The following KIRREL3 variants were observed in gnomAD, a reference collection of about 807,000 sequenced individuals.
KIRREL3 encodes kin of IRRE-like protein 3.
Under a neutral mutation model 89.7 loss-of-function variants are expected in KIRREL3, and 36 were observed. The observed-to-expected ratio is 0.40, with a 90% CI of 0.31 to 0.53. The LOEUF is 0.53. Ranked by LOEUF, KIRREL3 falls within the 20% of genes least tolerant of loss-of-function variation. KIRREL3 has a pLI of 0.49. For missense variants in KIRREL3, 864 were observed against 1,056.6 expected (o/e 0.82, Z 2.53); for synonymous variants, 445 against 441.4 (o/e 1.01, Z -0.10).
intron 1 of KIRREL3, among the ~76,000 whole-genome samples, chr11:126,964,645 T>G (rs1949208303): frequency 6.6e-6 from 1 of 152,180 alleles, no homozygotes; most frequent in Non-Finnish European, 1.5e-5. Flanking sequence ...TACAAACTCC[T>G]GCAAATAGGA....
intron 1 of KIRREL3, among the ~76,000 whole-genome samples, chr11:126,864,410 C>G (rs1430194284): frequency 6.6e-6 from 1 of 152,196 alleles, no homozygotes; most frequent in African/African-American, 2.4e-5. Flanking sequence ...GAGGGCTGCA[C>G]AGCTTGCAGT....
chr11:126,717,120 G>A (rs1833889578), intron 1 of KIRREL3, among the ~76,000 whole-genome samples: 1 of 152,166 alleles, frequency 6.6e-6, no homozygotes, highest in South Asian at 2.1e-4. Flanking sequence ...CACAAAGGGA[G>A]ATTTCTTTGC....
At chr11:126,695,589 G>A (rs1367411822) in intron 1 of KIRREL3, among the ~76,000 whole-genome samples, 1 of 152,036 alleles carries the variant, frequency 6.6e-6, no homozygotes, top group African/African-American at 2.4e-5. Context: ...TCCTTGTCCT[G>A]AAACCTTTGT....
At position 126,771,977 on chromosome 11, in the gene KIRREL3, G is replaced by T. The variant is rs1196517723; in HGVS notation, c.56-209065C>A. ...CGAATGCAGTCCAGCTTTCCTAAAT[G>T]CCTCCTCTCCTCCTGCTTTCTGTCT... On this transcript the variant is annotated intron_variant, in intron 1 of 16. Transcript: ENST00000525144. The surrounding 1 kb of genome is among the most constrained non-coding windows in gnomAD (Gnocchi z 4.4). Among the ~76,000 whole-genome samples the T allele has an allele frequency of 6.6e-6, 1 of 152,162 alleles. No homozygotes were observed. The highest frequency in any genetic ancestry group is 6.5e-5 in the Admixed American group (1 of 15,282).
chr11:126,522,362 T>A lies in KIRREL3; in HGVS notation c.284-898A>T, dbSNP rs1958625106. Among the ~76,000 whole-genome samples the A allele has an allele frequency of 6.6e-6, 1 of 152,166 alleles. No homozygotes were observed. Among genetic ancestry groups the A allele is most frequent in the Non-Finnish European group, 1.5e-5 (1 of 68,034 alleles). ...ACTTTGCAAAAATTTTGTTTCAGGATGGACAGGAAGTAGAAATCTAGGCCC... is the reference window on the plus strand; with the variant it reads ...ACTTTGCAAAAATTTTGTTTCAGGAAGGACAGGAAGTAGAAATCTAGGCCC... On this transcript the variant is annotated intron_variant, in intron 3 of 16. Coordinates refer to ENST00000525144, the MANE Select transcript of KIRREL3 (RefSeq NM_032531.4). This position sits in a 1 kb window ranked among gnomAD's most constrained non-coding sequence, Gnocchi z 6.0.
In KIRREL3 at chr11:126,670,633, T is replaced by A. The variant is rs546906112; in HGVS notation, c.56-107721A>T. On this transcript the variant is annotated intron_variant, in intron 1 of 16. Coordinates refer to ENST00000525144, the MANE Select transcript of KIRREL3 (RefSeq NM_032531.4). ...ACAAGGTGAATAAACAGAAGTTAAT[T>A]TTTTCAATAGAAAGTTGGAATCGTG... Among the ~76,000 whole-genome samples the A allele has an allele frequency of 5.8e-4, 89 of 152,348 alleles. No homozygotes were observed. The South Asian group carries it at 0.018, about 31-fold the overall frequency.
chr11:126,716,145 T>C (rs139373585), intron 1 of KIRREL3, among the ~76,000 whole-genome samples: 2 of 150,762 alleles, frequency 1.3e-5, no homozygotes, highest in East Asian at 2.0e-4. Flanking sequence ...GAGGAACAGA[T>C]AGGAGGGAGC....
rs993035287 is a variant in KIRREL3 at position 126,748,946 on chromosome 11, C to G, written c.56-186034G>C. Reference sequence around the variant, plus strand: ...CGTAGGTGGGAGAGCCGCTTAGGTCCTCTTATGTGACCTCCATCCAGCCTT... The same window carrying G: ...CGTAGGTGGGAGAGCCGCTTAGGTCGTCTTATGTGACCTCCATCCAGCCTT... On this transcript the variant is annotated intron_variant, in intron 1 of 16. Transcript: ENST00000525144. The surrounding 1 kb of genome is among the most constrained non-coding windows in gnomAD (Gnocchi z 4.6). 2.0e-5 allele frequency among the ~76,000 whole-genome samples: 3 copies of G among 152,140 alleles called. No individual in the cohort carries two copies. The highest frequency in any genetic ancestry group is 4.8e-5 in the African/African-American group (2 of 41,432).
intron 4 of KIRREL3, among the ~76,000 whole-genome samples, chr11:126,507,702 T>G (rs1958071758): frequency 6.6e-6 from 1 of 152,194 alleles, no homozygotes; most frequent in African/African-American, 2.4e-5. Flanking sequence ...AAGGGCTCCT[T>G]CATCTCTAAA....
intron 1 of KIRREL3, among the ~76,000 whole-genome samples, chr11:126,663,770 A>G (rs1435511511): frequency 6.6e-6 from 1 of 152,212 alleles, no homozygotes; most frequent in East Asian, 1.9e-4. Flanking sequence ...ATTTCATCTG[A>G]GGGACAAAAG....
At chr11:126,464,846 C>G (rs1044101805) in intron 5 of KIRREL3, among the ~76,000 whole-genome samples, 1 of 152,140 alleles carries the variant, frequency 6.6e-6, no homozygotes. Flanking sequence ...TGTCATGCAC[C>G]GAATTGTGGT....
At position 126,566,099 on chromosome 11, in the gene KIRREL3, A is replaced by G. The variant is rs1052761915; in HGVS notation, c.56-3187T>C. Among the ~76,000 whole-genome samples the G allele has an allele frequency of 6.6e-6, 1 of 151,840 alleles. No homozygotes were observed. Among genetic ancestry groups the G allele is most frequent in the African/African-American group, 2.4e-5 (1 of 41,234 alleles). ...TGGGGGTGCTGTCTTTGGCTTTATC[A>G]GTAGCAGAAACACCCAGATACTCTA... On this transcript the variant is annotated intron_variant, in intron 1 of 16. Coordinates refer to ENST00000525144, the MANE Select transcript of KIRREL3 (RefSeq NM_032531.4). This position sits in a 1 kb window ranked among gnomAD's most constrained non-coding sequence, Gnocchi z 4.9.
rs1944716154 is a variant in KIRREL3 at position 126,647,004 on chromosome 11, A to T, written c.56-84092T>A. Among the ~76,000 whole-genome samples, 1 of 152,222 alleles carries T rather than the reference A, an allele frequency of 6.6e-6. No homozygotes were observed. Among genetic ancestry groups the T allele is most frequent in the African/African-American group, 2.4e-5 (1 of 41,460 alleles). On this transcript the variant is annotated intron_variant, in intron 1 of 16. Transcript: ENST00000525144. The surrounding 1 kb of genome is among the most constrained non-coding windows in gnomAD (Gnocchi z 4.9). ...AGAGACTTTAATGATCCTCAATGGT[A>T]TAAACTGAATTTTTATTCCTACAGC...
Position 126,989,341 on chromosome 11 carries a change from G to T in KIRREL3, c.55+11114C>A, listed in dbSNP as rs1591433892. Reference sequence around the variant, plus strand: ...AAAGGCTGGCACTGTGGGGACGAAGGGGGCAGTGGCAGCTCACCCTGATGC... The same window carrying T: ...AAAGGCTGGCACTGTGGGGACGAAGTGGGCAGTGGCAGCTCACCCTGATGC... On this transcript the variant is annotated intron_variant, in intron 1 of 16. Transcript: ENST00000525144. The surrounding 1 kb of genome is among the most constrained non-coding windows in gnomAD (Gnocchi z 6.2). 6.6e-6 allele frequency among the ~76,000 whole-genome samples: 1 copy of T among 152,188 alleles called. No individual in the cohort carries two copies. The highest frequency in any genetic ancestry group is 2.4e-5 in the African/African-American group (1 of 41,448).
chr11:126,699,971 A>C (rs1368018065), intron 1 of KIRREL3, among the ~76,000 whole-genome samples: 1 of 152,104 alleles, frequency 6.6e-6, no homozygotes, highest in East Asian at 1.9e-4. Context: ...AGGTGGGAGG[A>C]TCAGTTGAGT....
chr11:126,794,763 T>C (rs1950751017), intron 1 of KIRREL3, among the ~76,000 whole-genome samples: 1 of 151,862 alleles, frequency 6.6e-6, no homozygotes, highest in Non-Finnish European at 1.5e-5. Flanking sequence ...TCCAAAGGAG[T>C]TTAAAACTTA....
intron 1 of KIRREL3, among the ~76,000 whole-genome samples, chr11:126,984,349 G>T (rs1401827354): frequency 6.6e-6 from 1 of 152,228 alleles, no homozygotes; most frequent in Non-Finnish European, 1.5e-5. Context: ...TCTAGCCTCT[G>T]CTCTAGGGCT....
In KIRREL3 at chr11:126,686,497, C is replaced by T. The variant is rs1183750503; in HGVS notation, c.56-123585G>A. On this transcript the variant is annotated intron_variant, in intron 1 of 16. Transcript: ENST00000525144. The surrounding 1 kb of genome is among the most constrained non-coding windows in gnomAD (Gnocchi z 4.7). The stretch of plus-strand genomic sequence containing the variant: ...CCCAAGCTGAATGTTCTGATAGGGT[C>T]AGTGCTGGCCACTGAGCGGGGAGGG... 6.6e-6 allele frequency among the ~76,000 whole-genome samples: 1 copy of T among 151,508 alleles called. No homozygotes were observed. The highest frequency in any genetic ancestry group is 2.4e-5 in the African/African-American group (1 of 41,278).
chr11:126,453,256 G>A (rs915352516), intron 7 of KIRREL3, among the ~76,000 whole-genome samples: 9 of 152,154 alleles, frequency 5.9e-5, no homozygotes, highest in African/African-American at 1.9e-4. Context: ...TTCATCTCGT[G>A]TGGGGGGGCC....
Sources: gnomAD v4.1 joint callset for allele counts (sites outside exome capture counted in the v4.1 genomes callset) on GRCh38, gnomAD v4.1.1 for gene constraint, Gnocchi (gnomAD v3.1) non-coding constraint, MANE v1.5 for transcripts, NCBI Gene and HGNC (gene_info 2026-07-23, HGNC 2026-07-21) for gene names.